ZNF365: variants seen among roughly 807,000 people sequenced by gnomAD.
The protein encoded by ZNF365 is protein ZNF365.
Under a neutral mutation model 35.0 loss-of-function variants are expected in ZNF365, and 22 were observed. That is an observed-to-expected ratio of 0.63 (90% confidence interval 0.45 to 0.90). The LOEUF is 0.90. Ranked by LOEUF, ZNF365 falls within the 40% of genes least tolerant of loss-of-function variation. The pLI is 0.00. For missense variants in ZNF365, 448 were observed against 500.3 expected, an observed-to-expected ratio of 0.90 and a Z score of 1.00; for synonymous variants, 188 against 196.2, an observed-to-expected ratio of 0.96 and a Z score of 0.35.
chr10:62,385,145 TA>T (rs1383117782), intron 2 of ZNF365, among the ~76,000 whole-genome samples: 1 of 152,202 alleles, frequency 6.6e-6, no homozygotes, highest in Non-Finnish European at 1.5e-5. Context: ...AATCATAGGA[TA>T]CCATCAAGCT....
At chr10:62,465,104 G>A (rs527730245) in intron 4 of ZNF365, among the ~76,000 whole-genome samples, 1 of 152,334 alleles carries the variant, frequency 6.6e-6, no homozygotes. Flanking sequence ...TACCCCTGCA[G>A]GCTTGGAAGT....
At chr10:62,420,702 A>G (rs911900101) in intron 3 of ZNF365, among the ~76,000 whole-genome samples, 1 of 152,016 alleles carries the variant, frequency 6.6e-6, no homozygotes, top group African/African-American at 2.4e-5. Context: ...ACCTGCCTTG[A>G]TTTTCTGTCG....
chr10:62,400,461 A>G lies in ZNF365; in HGVS notation c.*672A>G, dbSNP rs899087806. 1.0e-5 allele frequency: 10 copies of G among 985,894 alleles called. No homozygotes were observed. The highest frequency in any genetic ancestry group is 1.2e-5 in the Non-Finnish European group (10 of 829,982). 61.1% of individuals were successfully genotyped at this position (985,894 alleles called of 1,614,324 possible). A position where few individuals can be genotyped will look rare whatever the true frequency, so the allele number is the denominator to read the frequency against. On this transcript the variant is annotated 3_prime_UTR_variant, in exon 5 of 5. Coordinates refer to ENST00000395254, the MANE Select transcript of ZNF365 (RefSeq NM_014951.3). ...GATGCATGTTTATTCAGATTTTGGT[A>G]CACCTCTGCCGTCTTCTTTGGCTGA...
Position 62,401,070 on chromosome 10 carries a change from C to T in ZNF365, c.*1281C>T. On this transcript the variant is annotated 3_prime_UTR_variant, in exon 5 of 5. Transcript: ENST00000395254. ...TTTAGCAATATCATCAGGTCTCTTG[C>T]AGAGTTTACAAGTGCTGACATTCTT... The T allele has an allele frequency of 2.0e-6, 2 of 985,400 alleles. No individual in the cohort carries two copies. The highest frequency in any genetic ancestry group is 2.4e-6 in the Non-Finnish European group (2 of 829,908). 61.0% of individuals were successfully genotyped at this position (985,400 alleles called of 1,614,324 possible).
At chr10:62,412,956 C>A (rs16917181) in intron 3 of ZNF365, among the ~76,000 whole-genome samples, 10,653 of 152,080 alleles carry the variant, frequency 0.07, 624 homozygotes, top group African/African-American at 0.16. Context: ...CTGGTCTTCC[C>A]AGGGATAGCA....
At chr10:62,432,101 T>G (rs1840343165) in intron 3 of ZNF365, among the ~76,000 whole-genome samples, 1 of 152,200 alleles carries the variant, frequency 6.6e-6, no homozygotes, top group Non-Finnish European at 1.5e-5. Context: ...TTTACTGTGA[T>G]TTGTCTGCCA....
At chr10:62,416,411 C>T (rs900734109) in intron 3 of ZNF365, among the ~76,000 whole-genome samples, 2 of 152,094 alleles carry the variant, frequency 1.3e-5, no homozygotes, top group Non-Finnish European at 1.5e-5. Context: ...GAATGCTTTT[C>T]ATGTGAAATG....
Position 62,400,951 on chromosome 10 carries a change from C to G in ZNF365, c.*1162C>G. The G allele has an allele frequency of 1.0e-6, 1 of 985,524 alleles. No homozygotes were observed. The highest frequency in any genetic ancestry group is 1.2e-6 in the Non-Finnish European group (1 of 829,930). The allele number at this position is 985,524 out of a possible 1,614,324, so 61.0% of individuals were successfully genotyped here. A position where few individuals can be genotyped will look rare whatever the true frequency, so the allele number is the denominator to read the frequency against. ...ACACTGTCTTCCCCTCCTTCCCTCCCTAAAATGGCTTTAGTTTCCACAAAG... is the reference window on the plus strand; with the variant it reads ...ACACTGTCTTCCCCTCCTTCCCTCCGTAAAATGGCTTTAGTTTCCACAAAG... On this transcript the variant is annotated 3_prime_UTR_variant, in exon 5 of 5. Coordinates refer to ENST00000395254, the MANE Select transcript of ZNF365 (RefSeq NM_014951.3).
chr10:62,452,438 C>T (rs1435625393), intron 3 of ZNF365, among the ~76,000 whole-genome samples: 1 of 152,162 alleles, frequency 6.6e-6, no homozygotes, highest in Admixed American at 6.5e-5. Context: ...ATCGTGTTCT[C>T]TAGAATCTTA....
chr10:62,381,781 G>T (rs769991868), intron 2 of ZNF365, among the ~76,000 whole-genome samples: 5 of 152,162 alleles, frequency 3.3e-5, no homozygotes, highest in African/African-American at 4.8e-5. Flanking sequence ...GCTAGGCTTT[G>T]ATCACAATGA....
chr10:62,439,427 T>C (rs1272251001), intron 3 of ZNF365, among the ~76,000 whole-genome samples: 1 of 151,874 alleles, frequency 6.6e-6, no homozygotes, highest in Non-Finnish European at 1.5e-5. Flanking sequence ...TAACAATGCC[T>C]CCCTTTCCCA....
chr10:62,426,562 A>T (rs1341815469), intron 3 of ZNF365, among the ~76,000 whole-genome samples: 2 of 152,192 alleles, frequency 1.3e-5, no homozygotes, highest in African/African-American at 4.8e-5. Flanking sequence ...AATAGGAGGC[A>T]TGCTACATCA....
At position 62,401,146 on chromosome 10, in the gene ZNF365, A is replaced by C; in HGVS notation, c.*1357A>C. ...CAAATATATACATATATACATATATATAACACATACAAAATATATATGTTA... is the reference window on the plus strand; with the variant it reads ...CAAATATATACATATATACATATATCTAACACATACAAAATATATATGTTA... On this transcript the variant is annotated 3_prime_UTR_variant, in exon 5 of 5. Coordinates refer to ENST00000395254, the MANE Select transcript of ZNF365 (RefSeq NM_014951.3). 10 of 958,834 alleles carry C rather than the reference A, an allele frequency of 1.0e-5. No individual in the cohort carries two copies. The highest frequency in any genetic ancestry group is 1.2e-5 in the Non-Finnish European group (10 of 805,786). 59.4% of individuals were successfully genotyped at this position (958,834 alleles called of 1,614,324 possible).
At chr10:62,431,086 T>G (rs971449689) in intron 3 of ZNF365, among the ~76,000 whole-genome samples, 3 of 152,246 alleles carry the variant, frequency 2.0e-5, no homozygotes, top group Non-Finnish European at 2.9e-5. Flanking sequence ...CTTCACCATC[T>G]GTCTCTATCA....
At chr10:62,443,757 T>G (rs1039233152) in intron 3 of ZNF365, among the ~76,000 whole-genome samples, 2 of 152,140 alleles carry the variant, frequency 1.3e-5, no homozygotes, top group Non-Finnish European at 1.5e-5. Context: ...CATTGTCCTT[T>G]TAGTTGGTAA....
chr10:62,473,823 T>C (rs1841084207), intron 4 of ZNF365, among the ~76,000 whole-genome samples: 1 of 152,204 alleles, frequency 6.6e-6, no homozygotes, highest in Non-Finnish European at 1.5e-5. Context: ...ATGTTCATTA[T>C]TCACTCTAAC....
At chr10:62,407,124 T>C (rs1269339196), downstream of ZNF365, among the ~76,000 whole-genome samples, 1 of 152,234 alleles carries the variant, frequency 6.6e-6, no homozygotes, top group African/African-American at 2.4e-5. Context: ...ACTCCTCTTA[T>C]TGAAGCCATT....
intron 3 of ZNF365, among the ~76,000 whole-genome samples, chr10:62,411,943 C>G (rs1017362843): frequency 2.0e-5 from 3 of 151,868 alleles, no homozygotes; most frequent in Non-Finnish European, 4.4e-5. Context: ...AACTAGAGAA[C>G]CTAAACCAAA....
intron 3 of ZNF365, among the ~76,000 whole-genome samples, chr10:62,391,906 C>T (rs948243625): frequency 1.6e-4 from 25 of 152,198 alleles, no homozygotes; most frequent in Non-Finnish European, 3.1e-4. Context: ...CACATCTCTG[C>T]CAACATCTAT....
Sources: allele counts gnomAD v4.1 joint callset (sites outside exome capture counted in the v4.1 genomes callset), GRCh38; gene constraint gnomAD v4.1.1; transcripts MANE v1.5; gene names NCBI Gene and HGNC (gene_info 2026-07-23, HGNC 2026-07-21).